Variants in CDH15 observed in about 807,000 individuals in gnomAD.
CDH15 encodes the protein cadherin 15, also known as cadherin-15.
In CDH15, 73 loss-of-function variants were observed where a neutral mutation model predicts 69.4. The ratio of observed to expected loss-of-function variants is 1.05; its 90% CI spans 0.87 to 1.28. CDH15 has a LOEUF of 1.28. CDH15 is among the 50% of genes most tolerant of loss of function. The pLI, the probability that CDH15 is intolerant of heterozygous loss-of-function variation, is 0.00. For synonymous variants in CDH15, 624 were observed against 507.7 expected, an observed-to-expected ratio of 1.23 and a Z score of -3.08; for missense variants, 1,343 against 1,133.6, an observed-to-expected ratio of 1.18 and a Z score of -2.65.
chr16:89,188,979 C>T (rs1419431100), intron 7 of CDH15, among the ~76,000 whole-genome samples: 1 of 136,620 alleles, frequency 7.3e-6, no homozygotes, highest in African/African-American at 2.8e-5. Flanking sequence ...ACATAGATGC[C>T]CACACACAGA....
At chr16:89,188,376 G>A (rs1011681174) in intron 7 of CDH15, 91 bp downstream of exon 7, 1 of 874,768 alleles carries the variant, frequency 1.1e-6, no homozygotes, top group Non-Finnish European at 1.9e-6. Flanking sequence ...ACACACAGAT[G>A]CCCACACACA....
intron 3 of CDH15, among the ~76,000 whole-genome samples, chr16:89,181,678 G>A (rs1221139004): frequency 1.3e-4 from 20 of 151,892 alleles, no homozygotes; most frequent in African/African-American, 2.7e-4. Flanking sequence ...GGTGGCTCAC[G>A]CCTGTAATCC....
chr16:89,185,721 C>A, intron 5 of CDH15: 1 of 335,536 alleles, frequency 3.0e-6, no homozygotes, highest in South Asian at 2.7e-5. Context: ...GAGTCAGCTC[C>A]TCTAGGAAGC....
chr16:89,183,473 T>C, intron 3 of CDH15, 75 bp from the exon 4 acceptor site: 2 of 1,556,128 alleles, frequency 1.3e-6, no homozygotes, highest in Non-Finnish European at 8.8e-7. Context: ...ACGTGCTGTC[T>C]CTTTCGCATG....
Position 89,180,974 on chromosome 16 carries a change from C to CTTTTTTTT in CDH15, c.357+625_357+632dup, listed in dbSNP as rs770080908. 4.1e-5 allele frequency among the ~76,000 whole-genome samples: 4 copies of CTTTTTTTT among 96,996 alleles called. 1 individual carries two copies. In the East Asian group the frequency reaches 1.4e-3, roughly 34 times the overall value. 63.6% of individuals were successfully genotyped at this position (96,996 alleles called of 152,430 possible). On this transcript the variant is annotated intron_variant, in intron 3 of 13. Transcript: ENST00000289746. The stretch of plus-strand genomic sequence containing the variant: ...TCCTGAGTGAGCCACCGCGCCCGAC[C>CTTTTTTTT]TTTTTTTTTTTTTGAGATGGAGCTT...
intron 1 of CDH15, among the ~76,000 whole-genome samples, chr16:89,175,601 C>T (rs948944738): frequency 5.9e-5 from 9 of 152,204 alleles, no homozygotes; most frequent in Non-Finnish European, 1.0e-4. Context: ...TGCCCAGCCA[C>T]GGCCGGAAAC....
intron 1 of CDH15, among the ~76,000 whole-genome samples, chr16:89,174,838 T>C (rs1915225117): frequency 6.6e-6 from 1 of 152,116 alleles, no homozygotes; most frequent in South Asian, 2.1e-4. Context: ...CCCAGGGTGC[T>C]TGCGTCCCCT....
At chr16:89,192,051 G>A (rs921602077) in intron 10 of CDH15, among the ~76,000 whole-genome samples, 154 bp from the exon 11 acceptor site, 2 of 152,050 alleles carry the variant, frequency 1.3e-5, no homozygotes, top group African/African-American at 4.8e-5. Context: ...ATCCTCCCGT[G>A]GGGCAGGGTT....
At chr16:89,192,720 C>A (rs1171521167) in intron 11 of CDH15, among the ~76,000 whole-genome samples, 15 of 23,568 alleles carry the variant, frequency 6.4e-4, no homozygotes, top group African/African-American at 2.6e-3. Flanking sequence ...AGCTCCGCCT[C>A]CTCCCTAACC....
At chr16:89,184,695 G>A (rs868362685) in intron 4 of CDH15, among the ~76,000 whole-genome samples, 4 of 151,662 alleles carry the variant, frequency 2.6e-5, no homozygotes, top group African/African-American at 4.8e-5. Context: ...CAGCCTGCCC[G>A]TGCGTCCTCT....
intron 7 of CDH15, among the ~76,000 whole-genome samples, chr16:89,189,843 C>G (rs1779237529): frequency 6.6e-6 from 1 of 152,204 alleles, no homozygotes; most frequent in African/African-American, 2.4e-5. Flanking sequence ...CAGGCTGGAG[C>G]CGACGCAGCA....
intron 12 of CDH15, 22 bp downstream of exon 12, chr16:89,193,628 G>A: frequency 6.3e-7 from 1 of 1,577,784 alleles, no homozygotes. Flanking sequence ...GGTGTGGGTG[G>A]GGAGGGGTCC....
chr16:89,190,407 G>T lies in CDH15; in HGVS notation c.1143G>T (p.Arg381=). The change falls in exon 8 of 14, where the codon CGG becomes CGT. Residue 381 remains arginine, a synonymous_variant. Coordinates refer to ENST00000289746, the MANE Select transcript of CDH15 (RefSeq NM_004933.3). ...EPPVFQENPL[R]TSLAEGAPPG... is the part of the protein sequence containing the mutation. Reference sequence around the variant, plus strand: ...CCGTGTTCCAGGAGAACCCACTTCGGACCAGCCTAGCAGAGGGGGCACCCC... The same window carrying T: ...CCGTGTTCCAGGAGAACCCACTTCGTACCAGCCTAGCAGAGGGGGCACCCC... 6.2e-7 allele frequency: 1 copy of T among 1,612,384 alleles called. No individual in the cohort carries two copies. The highest frequency in any genetic ancestry group is 1.6e-4 in the Middle Eastern group (1 of 6,062).
In CDH15 at chr16:89,187,480, G is replaced by T; in HGVS notation, c.715G>T (p.Gly239Cys). The T allele has an allele frequency of 1.2e-6, 2 of 1,613,596 alleles. No homozygotes were observed. The highest frequency in any genetic ancestry group is 1.7e-6 in the Non-Finnish European group (2 of 1,180,022). Reference protein sequence around the residue: ...TLQVADMSGDGLTATASAIIT... With the variant: ...TLQVADMSGDCLTATASAIIT... Reference sequence around the variant, plus strand: ...GCAGGTGGCGGACATGTCTGGAGACGGCCTCACAGCCACTGCCTCAGCCAT... The same window carrying T: ...GCAGGTGGCGGACATGTCTGGAGACTGCCTCACAGCCACTGCCTCAGCCAT... Residue 239 changes from glycine to cysteine, a missense_variant, in exon 6 of 14, where the codon GGC becomes TGC. Physicochemically the swap from Gly to Cys is radical, Grantham distance 159. Coordinates refer to ENST00000289746, the MANE Select transcript of CDH15 (RefSeq NM_004933.3).
chr16:89,185,587 C>T (rs1189506453), intron 5 of CDH15: 1 of 561,266 alleles, frequency 1.8e-6, no homozygotes, highest in Admixed American at 3.0e-5. Context: ...CAGGGCTCCC[C>T]AAGCAGCCCC....
At chr16:89,175,267 G>C (rs1034726203) in intron 1 of CDH15, among the ~76,000 whole-genome samples, 2 of 152,246 alleles carry the variant, frequency 1.3e-5, no homozygotes, top group African/African-American at 4.8e-5. Context: ...TGGGCAGGGA[G>C]GGGATGGAAA....
chr16:89,175,451 C>T (rs894851404), intron 1 of CDH15, among the ~76,000 whole-genome samples: 2 of 152,252 alleles, frequency 1.3e-5, no homozygotes, highest in Non-Finnish European at 2.9e-5. Flanking sequence ...CACGTGACTC[C>T]TGGCTCTGTC....
chr16:89,180,045 A>T (rs892006423), intron 2 of CDH15, among the ~76,000 whole-genome samples, 155 bp from the exon 3 acceptor site: 12 of 152,220 alleles, frequency 7.9e-5, no homozygotes, highest in Non-Finnish European at 1.5e-4. Context: ...TCCCCAGCCC[A>T]GCACAGCTCC....
rs778717436 is a variant in CDH15, at chr16:89,187,437, G to A, written c.672G>A (p.Ala224=). Residue 224 remains alanine, a synonymous_variant, in exon 6 of 14, where the codon GCG becomes GCA. Coordinates refer to ENST00000289746, the MANE Select transcript of CDH15 (RefSeq NM_004933.3). ...GTGCCCCACATCCCCAGGTGGTCGC[G>A]GTGTACAATCTGACCCTGCAGGTGG... ...VQVGLDREVV[A]VYNLTLQVAD... 1.7e-5 allele frequency: 28 copies of A among 1,612,898 alleles called. No individual in the cohort carries two copies. Among genetic ancestry groups the A allele is most frequent in the East Asian group, 4.5e-5 (2 of 44,896 alleles).
Sources: gnomAD v4.1 joint callset for allele counts (sites outside exome capture counted in the v4.1 genomes callset) on GRCh38, gnomAD v4.1.1 for gene constraint, MANE v1.5 for transcripts, NCBI Gene and HGNC (gene_info 2026-07-23, HGNC 2026-07-21) for gene names.